Variants in LIPI observed in about 807,000 individuals in gnomAD.
LIPI encodes lipase I, also known as lipase member I.
In LIPI, 59 loss-of-function variants were observed where a neutral mutation model predicts 50.6. The ratio of observed to expected loss-of-function variants is 1.16; its 90% CI spans 0.94 to 1.45. LIPI has a LOEUF of 1.45. Among genes scored for constraint, LIPI ranks in the 40% most tolerant of loss-of-function variants. The pLI is 0.00. For missense variants in LIPI, 586 were observed against 536.3 expected, an observed-to-expected ratio of 1.09 and a Z score of -0.92; for synonymous variants, 203 against 178.2, an observed-to-expected ratio of 1.14 and a Z score of -1.11.
At chr21:14,162,009 T>G (rs2018514806) in intron 7 of LIPI, among the ~76,000 whole-genome samples, 3 of 147,252 alleles carry the variant, frequency 2.0e-5, no homozygotes, top group Non-Finnish European at 4.5e-5. Flanking sequence ...TATCAATGAT[T>G]CACTATACCT....
chr21:14,205,475 T>C (rs770137405), intron 1 of LIPI, among the ~76,000 whole-genome samples: 4 of 151,972 alleles, frequency 2.6e-5, no homozygotes, highest in Non-Finnish European at 5.9e-5. Flanking sequence ...CATATTTATA[T>C]AGTACTCATT....
At chr21:14,193,819 A>G (rs1004557490) in intron 1 of LIPI, among the ~76,000 whole-genome samples, 4 of 152,152 alleles carry the variant, frequency 2.6e-5, no homozygotes, top group African/African-American at 9.6e-5. Context: ...TATGCATCAA[A>G]GGACATTATC....
intron 1 of LIPI, chr21:14,206,746 G>T: frequency 1.1e-6 from 1 of 895,370 alleles, no homozygotes; most frequent in Non-Finnish European, 1.8e-6. Context: ...GGCAAGCCCA[G>T]TGTTGTTTTA....
At chr21:14,203,808 AC>A (rs1488344785) in intron 1 of LIPI, among the ~76,000 whole-genome samples, 1 of 151,820 alleles carries the variant, frequency 6.6e-6, no homozygotes, top group Non-Finnish European at 1.5e-5. Context: ...TATGTAACTA[AC>A]CTGCACGTTG....
intron 9 of LIPI, among the ~76,000 whole-genome samples, chr21:14,134,640 C>A (rs1169870545): frequency 6.6e-6 from 1 of 152,028 alleles, no homozygotes; most frequent in East Asian, 1.9e-4. Context: ...TAAAGCCATA[C>A]CCTACAACCA....
chr21:14,127,746 G>C (rs2017122569), intron 9 of LIPI, among the ~76,000 whole-genome samples: 1 of 152,038 alleles, frequency 6.6e-6, no homozygotes, highest in African/African-American at 2.4e-5. Flanking sequence ...GAGAACAATG[G>C]TTGTGTGCTC....
intron 2 of LIPI, among the ~76,000 whole-genome samples, chr21:14,186,392 C>T (rs1199683746): frequency 1.3e-5 from 2 of 152,170 alleles, no homozygotes; most frequent in African/African-American, 4.8e-5. Flanking sequence ...TTTCTGCTAG[C>T]TACCTCGATA....
chr21:14,134,154 C>A (rs965291295), intron 9 of LIPI, among the ~76,000 whole-genome samples: 1 of 151,864 alleles, frequency 6.6e-6, no homozygotes, highest in Non-Finnish European at 1.5e-5. Flanking sequence ...TCACTTGGGC[C>A]CAAGAAGTCA....
intron 9 of LIPI, among the ~76,000 whole-genome samples, chr21:14,111,864 ATAGAT>A (rs1049155540): frequency 2.6e-5 from 4 of 151,722 alleles, no homozygotes; most frequent in African/African-American, 9.7e-5. Context: ...TTTTTTTAAA[ATAGAT>A]TCAGGGGGTA....
chr21:14,132,993 T>G (rs1394575115), intron 9 of LIPI, among the ~76,000 whole-genome samples: 1 of 151,866 alleles, frequency 6.6e-6, no homozygotes, highest in Non-Finnish European at 1.5e-5. Context: ...GTAGCAAGAT[T>G]GAATCAACAA....
chr21:14,112,103 A>G (rs1294889723), intron 9 of LIPI, among the ~76,000 whole-genome samples: 1 of 152,040 alleles, frequency 6.6e-6, no homozygotes, highest in African/African-American at 2.4e-5. Context: ...TCCTTTCTCC[A>G]TTGTGTGCTC....
chr21:14,110,342 T>A lies in LIPI; in HGVS notation c.1296-1262A>T, dbSNP rs548040435. 9.9e-3 allele frequency among the ~76,000 whole-genome samples: 1,306 copies of A among 132,140 alleles called. 19 individuals are homozygous for A. Among genetic ancestry groups the A allele is most frequent in the African/African-American group, 0.039 (1,237 of 31,848 alleles). The allele number at this position is 132,140 out of a possible 152,430, so 86.7% of individuals were successfully genotyped here. On this transcript the variant is annotated intron_variant, in intron 9 of 9. Coordinates refer to ENST00000681601, the MANE Select transcript of LIPI (RefSeq NM_001302998.2). ...GAGGCCCCTAAATTTGACTTCATTTTTTTATTTATTTGTTTATTTTAAATT... is the reference window on the plus strand; with the variant it reads ...GAGGCCCCTAAATTTGACTTCATTTATTTATTTATTTGTTTATTTTAAATT...
At chr21:14,137,638 G>A (rs1247448813) in intron 9 of LIPI, among the ~76,000 whole-genome samples, 4 of 152,094 alleles carry the variant, frequency 2.6e-5, no homozygotes, top group Non-Finnish European at 5.9e-5. Context: ...TGAAAAAGGA[G>A]GTAGAGAAAG....
At chr21:14,142,118 A>T (rs2017732418) in intron 9 of LIPI, among the ~76,000 whole-genome samples, 1 of 152,082 alleles carries the variant, frequency 6.6e-6, no homozygotes, top group South Asian at 2.1e-4. Flanking sequence ...TATAATTTCT[A>T]TTCTTATGTT....
intron 1 of LIPI, among the ~76,000 whole-genome samples, chr21:14,209,477 T>A (rs1176262992): frequency 6.6e-6 from 1 of 152,150 alleles, no homozygotes; most frequent in Non-Finnish European, 1.5e-5. Context: ...AAGTAGAGAT[T>A]CAAGGAAAAT....
At chr21:14,110,756 A>G (rs921256897) in intron 9 of LIPI, among the ~76,000 whole-genome samples, 5 of 151,752 alleles carry the variant, frequency 3.3e-5, no homozygotes, top group African/African-American at 7.3e-5. Flanking sequence ...CTGGCTTATT[A>G]TACTTAACAT....
intron 4 of LIPI, among the ~76,000 whole-genome samples, chr21:14,168,286 C>T (rs2123174833): frequency 6.6e-6 from 1 of 152,346 alleles, no homozygotes; most frequent in African/African-American, 2.4e-5. Flanking sequence ...TTGGAAAACA[C>T]TCTGCAAGAT....
At chr21:14,188,070 C>G (rs1017995174) in intron 2 of LIPI, among the ~76,000 whole-genome samples, 1 of 152,104 alleles carries the variant, frequency 6.6e-6, no homozygotes, top group African/African-American at 2.4e-5. Context: ...CAATAATGCC[C>G]CCGAATCAGA....
intron 6 of LIPI, among the ~76,000 whole-genome samples, chr21:14,164,697 C>T (rs558548959): frequency 7.2e-4 from 109 of 152,036 alleles, no homozygotes; most frequent in African/African-American, 2.6e-3. Flanking sequence ...TCTATAATTC[C>T]CTATTGGCAG....
Sources: gnomAD v4.1 joint callset for allele counts (sites outside exome capture counted in the v4.1 genomes callset) on GRCh38, gnomAD v4.1.1 for gene constraint, MANE v1.5 for transcripts, NCBI Gene and HGNC (gene_info 2026-07-23, HGNC 2026-07-21) for gene names.